The following REEP5 variants were observed in gnomAD, a reference collection of about 807,000 sequenced individuals.
The protein encoded by REEP5 is receptor expression-enhancing protein 5.
In REEP5, 24 loss-of-function variants were observed where a neutral mutation model predicts 22.4. That is an observed-to-expected ratio of 1.07 (90% CI 0.78 to 1.51). The LOEUF is 1.51. Among genes scored for constraint, REEP5 ranks in the 40% most tolerant of loss-of-function variants. The pLI is 0.00. For missense variants in REEP5, 252 were observed against 233.0 expected, an observed-to-expected ratio of 1.08 and a Z score of -0.53; for synonymous variants, 103 against 88.6, an observed-to-expected ratio of 1.16 and a Z score of -0.92.
intron 2 of REEP5, among the ~76,000 whole-genome samples, chr5:112,908,728 G>A (rs1769024705): frequency 1.3e-5 from 2 of 151,668 alleles, no homozygotes; most frequent in African/African-American, 4.8e-5. Context: ...CTAATTTTTT[G>A]TATTTTTTAG....
intron 2 of REEP5, among the ~76,000 whole-genome samples, chr5:112,902,928 A>G (rs887629528): frequency 2.0e-5 from 3 of 152,232 alleles, no homozygotes; most frequent in African/African-American, 7.2e-5. Context: ...TAATTGAGAT[A>G]TATCATGGGT....
Position 112,878,839 on chromosome 5 carries a change from T to C in REEP5, c.521-4A>G. The C allele has an allele frequency of 6.2e-7, 1 of 1,613,960 alleles. No individual in the cohort carries two copies. The highest frequency in any genetic ancestry group is 8.5e-7 in the Non-Finnish European group (1 of 1,179,970). On this transcript the variant is annotated splice_region_variant and splice_polypyrimidine_tract_variant and intron_variant, in intron 4 of 4. Coordinates refer to ENST00000379638, the MANE Select transcript of REEP5 (RefSeq NM_005669.5). Reference sequence around the variant, plus strand: ...AAATTCACGGTAGCTTTCTTCGCTGTTTGTTTGTTAGGAGGGAAAGAAAAA... The same window carrying C: ...AAATTCACGGTAGCTTTCTTCGCTGCTTGTTTGTTAGGAGGGAAAGAAAAA...
chr5:112,891,358 C>T (rs1195487996), intron 3 of REEP5, among the ~76,000 whole-genome samples: 1 of 152,116 alleles, frequency 6.6e-6, no homozygotes, highest in Admixed American at 6.5e-5. Flanking sequence ...CAGGAGTGAG[C>T]CACCGCACCT....
intron 2 of REEP5, 26 bp from the exon 3 acceptor site, chr5:112,902,544 T>C: frequency 6.5e-7 from 1 of 1,542,762 alleles, no homozygotes; most frequent in East Asian, 2.3e-5. Flanking sequence ...AAAGAAAGTA[T>C]ATCATTTGGT....
chr5:112,896,198 T>C (rs1300706369), intron 3 of REEP5: 1 of 152,674 alleles, frequency 6.5e-6, no homozygotes, highest in African/African-American at 2.4e-5. Flanking sequence ...AAGATTTCCC[T>C]GTCTTTTTAG....
chr5:112,901,960 C>G (rs1580746983), intron 3 of REEP5, among the ~76,000 whole-genome samples: 1 of 139,404 alleles, frequency 7.2e-6, no homozygotes, highest in African/African-American at 2.7e-5. Context: ...AAGACTCCAT[C>G]TCAAAAAAAG....
intron 3 of REEP5, among the ~76,000 whole-genome samples, chr5:112,889,846 A>G (rs971438785): frequency 2.3e-5 from 3 of 128,930 alleles, no homozygotes; most frequent in African/African-American, 9.6e-5. Flanking sequence ...TTTTTTTTTG[A>G]GACTGATTCT....
rs1767945323 is a variant in REEP5 at position 112,877,893 on chromosome 5, G to GCAT, written c.*890_*892dup. The GCAT allele has an allele frequency of 6.6e-6, 1 of 152,034 alleles. No homozygotes were observed. 9.4% of individuals were successfully genotyped at this position (152,034 alleles called of 1,614,324 possible). A position where few individuals can be genotyped will look rare whatever the true frequency, so the allele number is the denominator to read the frequency against. ...AAAACCAGAAATGGTTTCCATTGTA[G>GCAT]CATCTTGACAATAGACAAATATGTA... On this transcript the variant is annotated 3_prime_UTR_variant, in exon 5 of 5. Coordinates refer to ENST00000379638, the MANE Select transcript of REEP5 (RefSeq NM_005669.5).
At chr5:112,921,405 T>C (rs1012540453) in intron 1 of REEP5, 149 bp from the exon 2 acceptor site, 8 of 735,602 alleles carry the variant, frequency 1.1e-5, no homozygotes, top group Non-Finnish European at 1.9e-5. Flanking sequence ...ACACGAAAGC[T>C]GGGCCTGCGC....
At chr5:112,911,883 GA>G (rs201037807) in intron 2 of REEP5, among the ~76,000 whole-genome samples, 5 of 150,966 alleles carry the variant, frequency 3.3e-5, no homozygotes, top group African/African-American at 9.8e-5. Flanking sequence ...TTAAGTACAG[GA>G]AAAAAATAAT....
chr5:112,908,403 G>A (rs111764650), intron 2 of REEP5, among the ~76,000 whole-genome samples: 2,087 of 152,134 alleles, frequency 0.014, 15 homozygotes, highest in Middle Eastern at 0.037. Context: ...GTGCCTGGCT[G>A]AGCATCAGAC....
Position 112,878,665 on chromosome 5 carries a change from T to TAATA in REEP5, c.*117_*120dup. The TAATA allele has an allele frequency of 7.2e-7, 1 of 1,388,626 alleles. No homozygotes were observed. Among genetic ancestry groups the TAATA allele is most frequent in the Non-Finnish European group, 9.8e-7 (1 of 1,015,348 alleles). 86.0% of individuals were successfully genotyped at this position (1,388,626 alleles called of 1,614,324 possible). Reference sequence around the variant, plus strand: ...GAAACTTACAACACATTCCAATCTTTAATATCTCAAAAATGTTTCCAAGGC... The same window carrying TAATA: ...GAAACTTACAACACATTCCAATCTTTAATAAATATCTCAAAAATGTTTCCAAGGC... On this transcript the variant is annotated 3_prime_UTR_variant, in exon 5 of 5. Coordinates refer to ENST00000379638, the MANE Select transcript of REEP5 (RefSeq NM_005669.5).
At chr5:112,882,923 G>T (rs148420642) in intron 4 of REEP5, among the ~76,000 whole-genome samples, 1,808 of 152,210 alleles carry the variant, frequency 0.012, 9 homozygotes, top group Middle Eastern at 0.037. Context: ...ATAGTCACAT[G>T]TGCTCACAGC....
chr5:112,889,028 T>C (rs973875939), intron 3 of REEP5, among the ~76,000 whole-genome samples: 20 of 150,908 alleles, frequency 1.3e-4, no homozygotes, highest in Non-Finnish European at 1.5e-4. Context: ...CTCTCATTCT[T>C]TCTTGCCTGC....
In REEP5 at chr5:112,878,670, T is replaced by A. The variant is rs1413220906; in HGVS notation, c.*116A>T. The A allele has an allele frequency of 2.1e-6, 3 of 1,419,384 alleles. No individual in the cohort carries two copies. The highest frequency in any genetic ancestry group is 2.9e-6 in the Non-Finnish European group (3 of 1,039,832). 87.9% of individuals were successfully genotyped at this position (1,419,384 alleles called of 1,614,324 possible). ...TTACAACACATTCCAATCTTTAATA[T>A]CTCAAAAATGTTTCCAAGGCAACAT... On this transcript the variant is annotated 3_prime_UTR_variant, in exon 5 of 5. Coordinates refer to ENST00000379638, the MANE Select transcript of REEP5 (RefSeq NM_005669.5).
Position 112,878,128 on chromosome 5 carries a change from T to G in REEP5, c.*658A>C, listed in dbSNP as rs1233145157. 1 of 152,492 alleles carries G rather than the reference T, an allele frequency of 6.6e-6. No homozygotes were observed. The highest frequency in any genetic ancestry group is 6.5e-5 in the Admixed American group (1 of 15,270). The allele number at this position is 152,492 out of a possible 1,614,324, so 9.4% of individuals were successfully genotyped here. On this transcript the variant is annotated 3_prime_UTR_variant, in exon 5 of 5. Coordinates refer to ENST00000379638, the MANE Select transcript of REEP5 (RefSeq NM_005669.5). Reference sequence around the variant, plus strand: ...TACTACGGAAACAACCAGGCCAATCTCCATTCGATTTCATTTCTCACTTTG... The same window carrying G: ...TACTACGGAAACAACCAGGCCAATCGCCATTCGATTTCATTTCTCACTTTG...
rs74780195 is a variant in REEP5, at chr5:112,904,196, T to C, written c.213-1678A>G. Among the ~76,000 whole-genome samples the C allele has an allele frequency of 7.5e-3, 1,142 of 152,334 alleles. 12 individuals are homozygous for C. Among genetic ancestry groups the C allele is most frequent in the African/African-American group, 0.026 (1,072 of 41,564 alleles). ...CTGATTATTAAAAAATGGCTTGTAA[T>C]GTATGCACAAAGTCTGTATTTTTTT... On this transcript the variant is annotated intron_variant, in intron 2 of 4. Coordinates refer to ENST00000379638, the MANE Select transcript of REEP5 (RefSeq NM_005669.5).
intron 3 of REEP5, chr5:112,891,638 A>G (rs764465956): frequency 6.2e-7 from 1 of 1,602,100 alleles, no homozygotes; most frequent in Non-Finnish European, 8.5e-7. Flanking sequence ...GGTGCTGGCA[A>G]GATGGCTGCA....
chr5:112,892,733 A>C, intron 3 of REEP5: 4 of 1,614,010 alleles, frequency 2.5e-6, no homozygotes, highest in Non-Finnish European at 3.4e-6. Flanking sequence ...TTTGGCAAGA[A>C]CTCCGAGAGG....
Sources: allele counts gnomAD v4.1 joint callset (sites outside exome capture counted in the v4.1 genomes callset), GRCh38; gene constraint gnomAD v4.1.1; transcripts MANE v1.5; gene names NCBI Gene and HGNC (gene_info 2026-07-23, HGNC 2026-07-21).